KLF12: variants seen among roughly 807,000 people sequenced by gnomAD.
The protein encoded by KLF12 is KLF transcription factor 12.
A neutral mutation model predicts 37.8 loss-of-function variants in KLF12; 9 were observed. The ratio of observed to expected loss-of-function variants is 0.24; its 90% CI spans 0.14 to 0.42. KLF12 has a LOEUF of 0.42. KLF12 is among the 10% of genes least tolerant of loss of function. The pLI is 1.00. For missense variants in KLF12, 411 were observed against 516.0 expected (o/e 0.80, Z 1.97); for synonymous variants, 208 against 202.1 (o/e 1.03, Z -0.25).
Position 73,995,031 on chromosome 13 carries a change from T to C in KLF12, c.-9A>G. ...TTCATATGGATATTCATTCATCCAT[T>C]TGTTCTTAGAGTCACATTGATCCTG... On this transcript the variant is annotated 5_prime_UTR_variant, in exon 2 of 8. Coordinates refer to ENST00000377669, the MANE Select transcript of KLF12 (RefSeq NM_007249.5). 1.9e-6 allele frequency: 3 copies of C among 1,606,528 alleles called. No homozygotes were observed. The highest frequency in any genetic ancestry group is 1.7e-4 in the Middle Eastern group (1 of 6,038).
At chr13:73,758,572 G>A (rs1358444658) in intron 6 of KLF12, among the ~76,000 whole-genome samples, 2 of 152,104 alleles carry the variant, frequency 1.3e-5, no homozygotes, top group African/African-American at 4.8e-5. Flanking sequence ...TGTCTTATGG[G>A]TTCACATGTT....
chr13:73,978,897 T>C (rs182711638), intron 2 of KLF12, among the ~76,000 whole-genome samples: 1 of 152,160 alleles, frequency 6.6e-6, no homozygotes, highest in African/African-American at 2.4e-5. Context: ...TATTGCTAAG[T>C]GAAAGAAGCA....
At chr13:73,943,838 T>A in intron 3 of KLF12, 143 bp downstream of exon 3, 1 of 602,118 alleles carries the variant, frequency 1.7e-6, no homozygotes, top group Non-Finnish European at 2.9e-6. Flanking sequence ...AACCACAATC[T>A]CAGATTTTTG....
chr13:73,940,250 A>G (rs142309604), intron 3 of KLF12, among the ~76,000 whole-genome samples: 88 of 152,328 alleles, frequency 5.8e-4, no homozygotes, highest in African/African-American at 1.9e-3. Flanking sequence ...AGACAAAGTC[A>G]TTCAAGCACT....
chr13:74,079,822 G>A (rs897258335), intron 1 of KLF12, among the ~76,000 whole-genome samples: 18 of 152,084 alleles, frequency 1.2e-4, no homozygotes, highest in African/African-American at 3.1e-4. Flanking sequence ...ACAGTATGGC[G>A]GTTCCTCAAA....
At position 73,687,369 on chromosome 13, in the gene KLF12, G is replaced by A. The variant is rs1033455320; in HGVS notation, c.*8121C>T. The A allele has an allele frequency of 6.6e-6, 1 of 152,614 alleles. No homozygotes were observed. The highest frequency in any genetic ancestry group is 1.5e-5 in the Non-Finnish European group (1 of 68,032). The allele number at this position is 152,614 out of a possible 1,614,324, so 9.5% of individuals were successfully genotyped here. A position where few individuals can be genotyped will look rare whatever the true frequency, so the allele number is the denominator to read the frequency against. On this transcript the variant is annotated 3_prime_UTR_variant, in exon 8 of 8. Coordinates refer to ENST00000377669, the MANE Select transcript of KLF12 (RefSeq NM_007249.5). ...GGGGACAGTGATTTTTCAAAATGAAGCTTTAAACACAACAAATCGTGGACA... is the reference window on the plus strand; with the variant it reads ...GGGGACAGTGATTTTTCAAAATGAAACTTTAAACACAACAAATCGTGGACA...
chr13:73,855,499 G>A (rs1885561144), intron 3 of KLF12, among the ~76,000 whole-genome samples: 1 of 152,164 alleles, frequency 6.6e-6, no homozygotes, highest in African/African-American at 2.4e-5. Context: ...TCCACTGCTG[G>A]TGGGCATCTT....
chr13:74,015,470 T>C (rs1307819979), intron 1 of KLF12, among the ~76,000 whole-genome samples: 6 of 152,130 alleles, frequency 3.9e-5, no homozygotes, highest in Non-Finnish European at 7.3e-5. Flanking sequence ...TAAATGACGA[T>C]TGTTATCATT....
At chr13:74,037,699 A>G (rs1893291670) in intron 1 of KLF12, among the ~76,000 whole-genome samples, 1 of 152,184 alleles carries the variant, frequency 6.6e-6, no homozygotes, top group African/African-American at 2.4e-5. Flanking sequence ...TCCCATTATG[A>G]TAATGTTGAC....
Position 73,945,385 on chromosome 13 carries a change from C to T in KLF12, c.34-1315G>A, listed in dbSNP as rs550359604. On this transcript the variant is annotated intron_variant, in intron 2 of 7. Transcript: ENST00000377669. ...TCGGGAGGCTGAGGCAAGAGAATTA[C>T]TTGAACCTTGGAGGTGGAGGTTGCA... Among the ~76,000 whole-genome samples the T allele has an allele frequency of 1.7e-3, 253 of 150,914 alleles. 1 individual carries two copies. Among genetic ancestry groups the T allele is most frequent in the African/African-American group, 5.6e-3 (233 of 41,270 alleles).
At chr13:73,710,392 G>A (rs1378187629) in intron 7 of KLF12, among the ~76,000 whole-genome samples, 2 of 150,348 alleles carry the variant, frequency 1.3e-5, no homozygotes, top group Non-Finnish European at 3.0e-5. Flanking sequence ...GTGTGTGTGT[G>A]TGTGTGTGTG....
chr13:74,182,371 T>C, the KLF12 span, among the ~76,000 whole-genome samples: 1 of 152,234 alleles, frequency 6.6e-6, no homozygotes, highest in Non-Finnish European at 1.5e-5. Context: ...TCTCTGTCTA[T>C]GGTTATCAGA....
the KLF12 span, among the ~76,000 whole-genome samples, chr13:74,232,822 CA>C: frequency 6.6e-6 from 1 of 151,996 alleles, no homozygotes; most frequent in African/African-American, 2.4e-5. Flanking sequence ...TTGACAACAA[CA>C]AAAAAGTGAT....
intron 6 of KLF12, among the ~76,000 whole-genome samples, chr13:73,732,338 C>T (rs1435187514): frequency 1.3e-5 from 2 of 152,020 alleles, no homozygotes; most frequent in African/African-American, 4.8e-5. Flanking sequence ...GATCCATCCA[C>T]CTCGGCCCCC....
intron 2 of KLF12, among the ~76,000 whole-genome samples, chr13:73,982,842 A>G (rs1236847598): frequency 2.6e-5 from 4 of 152,144 alleles, no homozygotes; most frequent in African/African-American, 9.7e-5. Context: ...ACTCTATCTT[A>G]ATAAAAGAAA....
intron 6 of KLF12, among the ~76,000 whole-genome samples, chr13:73,751,141 G>A (rs565202801): frequency 1.3e-5 from 2 of 152,250 alleles, no homozygotes; most frequent in South Asian, 2.1e-4. Flanking sequence ...CCAATCATCC[G>A]CTGATAGACA....
At chr13:74,302,237 G>C in the KLF12 span, among the ~76,000 whole-genome samples, 1 of 152,112 alleles carries the variant, frequency 6.6e-6, no homozygotes, top group African/African-American at 2.4e-5. Flanking sequence ...TATGTATATA[G>C]TCATATGTGA....
chr13:74,232,400 T>G, the KLF12 span, among the ~76,000 whole-genome samples: 1 of 152,224 alleles, frequency 6.6e-6, no homozygotes, highest in Non-Finnish European at 1.5e-5. Flanking sequence ...CAGTCTCAGT[T>G]TCTGCTACAT....
At chr13:73,940,066 A>G (rs1890120650) in intron 3 of KLF12, among the ~76,000 whole-genome samples, 1 of 152,110 alleles carries the variant, frequency 6.6e-6, no homozygotes, top group African/African-American at 2.4e-5. Context: ...CCAGGAATAA[A>G]ATCACATAGT....
Sources: allele counts gnomAD v4.1 joint callset (sites outside exome capture counted in the v4.1 genomes callset), GRCh38; gene constraint gnomAD v4.1.1; transcripts MANE v1.5; gene names NCBI Gene and HGNC (gene_info 2026-07-23, HGNC 2026-07-21).